TACC2: variants seen among roughly 807,000 people sequenced by gnomAD.
The protein encoded by TACC2 is transforming acidic coiled-coil containing protein 2, also known as transforming acidic coiled-coil-containing protein 2.
In TACC2, 137 loss-of-function variants were observed where a neutral mutation model predicts 227.3. The observed-to-expected ratio is 0.60, with a 90% confidence interval of 0.52 to 0.69. The LOEUF (loss-of-function observed/expected upper bound fraction) is 0.69, where lower values mean the gene tolerates loss of function less well. Ranked by LOEUF, TACC2 falls within the 30% of genes least tolerant of loss-of-function variation. TACC2 has a pLI of 0.00. For missense variants in TACC2, 3,470 were observed against 3,694.4 expected, an observed-to-expected ratio of 0.94 and a Z score of 1.57; for synonymous variants, 1,523 against 1,487.5, an observed-to-expected ratio of 1.02 and a Z score of -0.55.
chr10:122,201,923 G>A (rs954870572), intron 8 of TACC2, among the ~76,000 whole-genome samples: 1 of 152,000 alleles, frequency 6.6e-6, no homozygotes, highest in Non-Finnish European at 1.5e-5. Flanking sequence ...CAAGGTTTCC[G>A]CTGCTTTTTA....
chr10:122,107,796 G>A (rs894686193), intron 5 of TACC2, among the ~76,000 whole-genome samples: 1 of 148,886 alleles, frequency 6.7e-6, no homozygotes, highest in Non-Finnish European at 1.5e-5. Context: ...AGTGTACACC[G>A]TACCCAGTGT....
intron 8 of TACC2, among the ~76,000 whole-genome samples, chr10:122,203,398 G>A (rs545511868): frequency 1.2e-3 from 185 of 150,052 alleles, no homozygotes; most frequent in Non-Finnish European, 2.0e-3. Context: ...CGGACGGGGC[G>A]GCTGGCTGGG....
chr10:122,001,792 A>G (rs1182074232), intron 1 of TACC2, among the ~76,000 whole-genome samples: 2 of 152,100 alleles, frequency 1.3e-5, no homozygotes, highest in Non-Finnish European at 2.9e-5. Context: ...TATTTCTCCT[A>G]TATCCTCCAC....
chr10:122,188,159 G>A (rs564664169), intron 7 of TACC2, among the ~76,000 whole-genome samples: 56 of 152,304 alleles, frequency 3.7e-4, no homozygotes, highest in African/African-American at 1.3e-3. Context: ...AAGTTAAACC[G>A]TGAGCTGAGA....
At chr10:122,239,823 C>T (rs2141679853) in intron 18 of TACC2, among the ~76,000 whole-genome samples, 1 of 152,314 alleles carries the variant, frequency 6.6e-6, no homozygotes, top group African/African-American at 2.4e-5. Flanking sequence ...CGAATGTCAG[C>T]CCGTCAGCCT....
chr10:122,152,582 C>G (rs1391271376), intron 7 of TACC2, among the ~76,000 whole-genome samples: 1 of 152,240 alleles, frequency 6.6e-6, no homozygotes, highest in Non-Finnish European at 1.5e-5. Flanking sequence ...ACACGGCTGA[C>G]TTGATGACAT....
intron 1 of TACC2, among the ~76,000 whole-genome samples, chr10:121,997,456 G>A (rs918509482): frequency 6.6e-6 from 1 of 152,198 alleles, no homozygotes; most frequent in Non-Finnish European, 1.5e-5. Context: ...AATATCTAAA[G>A]AGAAAATCTG....
At chr10:122,021,247 G>GA (rs1957310705) in intron 1 of TACC2, among the ~76,000 whole-genome samples, 1 of 150,252 alleles carries the variant, frequency 6.7e-6, no homozygotes, top group Admixed American at 6.6e-5. Flanking sequence ...AAAGGCGGGG[G>GA]GGAAGAAAGA....
chr10:122,226,109 G>T (rs2095622975), intron 12 of TACC2, among the ~76,000 whole-genome samples: 1 of 152,186 alleles, frequency 6.6e-6, no homozygotes, highest in South Asian at 2.1e-4. Context: ...GCTCACCAAC[G>T]CCGTGGCGTC....
chr10:122,181,589 C>G (rs2093972193), intron 7 of TACC2, among the ~76,000 whole-genome samples: 3 of 152,160 alleles, frequency 2.0e-5, no homozygotes, highest in African/African-American at 7.2e-5. Flanking sequence ...TCCAAAGTTA[C>G]TCACCTCTCA....
chr10:122,226,293 G>A (rs2095626890), intron 12 of TACC2, 73 bp from the exon 13 acceptor site: 1 of 956,838 alleles, frequency 1.0e-6, no homozygotes, highest in African/African-American at 1.6e-5. Flanking sequence ...GTTGAAGAGT[G>A]CTCCAGTTTT....
intron 2 of TACC2, among the ~76,000 whole-genome samples, chr10:122,045,609 A>G (rs886928367): frequency 6.6e-6 from 1 of 152,258 alleles, no homozygotes; most frequent in Non-Finnish European, 1.5e-5. Context: ...GCTGGGTGTC[A>G]GTATTCTTGT....
intron 8 of TACC2, among the ~76,000 whole-genome samples, chr10:122,197,015 C>G (rs2094595252): frequency 6.6e-6 from 1 of 151,172 alleles, no homozygotes; most frequent in Admixed American, 6.6e-5. Flanking sequence ...AATCCCAGCA[C>G]TCTGGGAGGC....
In TACC2 at chr10:122,135,661, T is replaced by C. The variant is rs187573988; in HGVS notation, c.5699+2927T>C. ...CTCTGTAAAATACAGTCGATCCTCG[T>C]TGGCAGATTCCATATTTGTGAATTT... On this transcript the variant is annotated intron_variant, in intron 6 of 22. Transcript: ENST00000369005. Among the ~76,000 whole-genome samples the C allele has an allele frequency of 2.6e-5, 4 of 152,344 alleles. No homozygotes were observed. In the East Asian group the frequency reaches 7.7e-4, roughly 29 times the overall value.
chr10:122,201,737 C>T (rs538763208), intron 8 of TACC2, among the ~76,000 whole-genome samples: 11 of 152,282 alleles, frequency 7.2e-5, no homozygotes, highest in South Asian at 4.1e-4. Flanking sequence ...ATTATCCTCC[C>T]GGGAAGACAG....
intron 3 of TACC2, among the ~76,000 whole-genome samples, chr10:122,068,671 C>CTTTTTTTT (rs55740675): frequency 6.8e-6 from 1 of 146,764 alleles, no homozygotes. Context: ...CCTCCGAAAC[C>CTTTTTTTT]TTTTTTTTTT....
rs963734438 is a variant in TACC2, at chr10:122,082,933, A to C, written c.433A>C (p.Asn145His). The change falls in exon 4 of 23, where the codon AAT becomes CAT. Residue 145 changes from asparagine (N) to histidine (H), a missense_variant. Around this residue, in one of 10 missense-constraint regions of TACC2, gnomAD observed 405 missense variants for 389.6 expected, o/e 1.04. Transcript: ENST00000369005. ...GTCTCCCAGGAGGGAACCTGCCCCA[A>C]ATGCCCCAGGAGACATCGCGGCGGC... ...TQSPRREPAP[N>H]APGDIAAAFP... 5.0e-6 allele frequency: 8 copies of C among 1,612,886 alleles called. No individual in the cohort carries two copies. The highest frequency in any genetic ancestry group is 1.3e-5 in the African/African-American group (1 of 74,902).
intron 7 of TACC2, among the ~76,000 whole-genome samples, chr10:122,184,403 G>T (rs934269435): frequency 6.6e-6 from 1 of 152,170 alleles, no homozygotes; most frequent in East Asian, 1.9e-4. Flanking sequence ...CAAACTCCTT[G>T]TTGGCTCCTT....
At chr10:122,166,246 A>C in intron 7 of TACC2, among the ~76,000 whole-genome samples, 1 of 152,212 alleles carries the variant, frequency 6.6e-6, no homozygotes, top group East Asian at 1.9e-4. Flanking sequence ...CCATGGTGTA[A>C]GAGTGAAATC....
Sources: allele counts gnomAD v4.1 joint callset (sites outside exome capture counted in the v4.1 genomes callset), GRCh38; gene constraint gnomAD v4.1.1; regional missense constraint gnomAD v4.1.1; transcripts MANE v1.5; gene names NCBI Gene and HGNC (gene_info 2026-07-23, HGNC 2026-07-21).